Variants in WDHD1 observed in about 807,000 individuals in gnomAD.
WDHD1 encodes the protein WD repeat and HMG-box DNA binding protein 1, also known as WD repeat and HMG-box DNA-binding protein 1.
Under a neutral mutation model 135.4 loss-of-function variants are expected in WDHD1, and 111 were observed. That is an observed-to-expected ratio of 0.82 (90% CI 0.70 to 0.96). WDHD1 has a LOEUF of 0.96. WDHD1 is among the 40% of genes least tolerant of loss of function. WDHD1 has a pLI of 0.00. For synonymous variants in WDHD1, 434 were observed against 439.0 expected, an observed-to-expected ratio of 0.99 and a Z score of 0.14; for missense variants, 1,351 against 1,336.3, an observed-to-expected ratio of 1.01 and a Z score of -0.17.
At chr14:54,966,164 T>TTAA (rs1555367531) in intron 18 of WDHD1, among the ~76,000 whole-genome samples, 4 of 67,184 alleles carry the variant, frequency 6.0e-5, no homozygotes, top group Non-Finnish European at 1.0e-4. Context: ...CCATCTCTAC[T>TTAA]AAAAAAAAAA....
Position 55,000,263 on chromosome 14 carries a change from A to T in WDHD1, c.942+240T>A, listed in dbSNP as rs544016151. ...GAGACCTGATACAAAATAGTATTTA[A>T]TGAAAGGTATTCCTTGGAAAGGCAT... On this transcript the variant is annotated intron_variant, in intron 10 of 25. Coordinates refer to ENST00000360586, the MANE Select transcript of WDHD1 (RefSeq NM_007086.4). Among the ~76,000 whole-genome samples, 10 of 152,358 alleles carry T rather than the reference A, an allele frequency of 6.6e-5. No individual in the cohort carries two copies. The East Asian group carries it at 1.5e-3, about 24-fold the overall frequency.
At position 54,948,560 on chromosome 14, in the gene WDHD1, C is replaced by T. The variant is rs561616902; in HGVS notation, c.3051-4090G>A. ...AAGGAGTCCTGCCTGCCTCTGTGGA[C>T]TCCACCTCTGGGGGCAGGGCATAGC... On this transcript the variant is annotated intron_variant, in intron 24 of 25. Transcript: ENST00000360586. Among the ~76,000 whole-genome samples the T allele has an allele frequency of 2.1e-3, 326 of 152,334 alleles. 2 individuals are homozygous for T. The highest frequency in any genetic ancestry group is 7.4e-3 in the African/African-American group (308 of 41,562).
rs1410835248 is a variant in WDHD1, at chr14:54,940,609, T to C, written c.*881A>G. ...ATGATTAAACCTTGTTTGTTCAATATAAAATAAGAGTTAAATACTTTCCAT... is the reference window on the plus strand; with the variant it reads ...ATGATTAAACCTTGTTTGTTCAATACAAAATAAGAGTTAAATACTTTCCAT... On this transcript the variant is annotated 3_prime_UTR_variant, in exon 26 of 26. Transcript: ENST00000360586. 1 of 152,152 alleles carries C rather than the reference T, an allele frequency of 6.6e-6. No individual in the cohort carries two copies. The highest frequency in any genetic ancestry group is 2.4e-5 in the African/African-American group (1 of 41,444). The allele number at this position is 152,152 out of a possible 1,614,324, so 9.4% of individuals were successfully genotyped here.
At chr14:54,957,552 T>C (rs775365350) in intron 22 of WDHD1, 40 bp downstream of exon 22, 3 of 1,500,390 alleles carry the variant, frequency 2.0e-6, no homozygotes, top group African/African-American at 2.8e-5. Context: ...TGTATACAAA[T>C]GTATTTAAAT....
chr14:55,013,333 G>A (rs1566742954), intron 3 of WDHD1, 152 bp downstream of exon 3: 3 of 515,420 alleles, frequency 5.8e-6, no homozygotes, highest in Non-Finnish European at 1.0e-5. Flanking sequence ...AAAAAAAATG[G>A]TAGGGCAAGT....
At chr14:54,976,865 G>T (rs2041532955) in intron 16 of WDHD1, among the ~76,000 whole-genome samples, 1 of 151,976 alleles carries the variant, frequency 6.6e-6, no homozygotes, top group African/African-American at 2.4e-5. Flanking sequence ...AAAACAGTCT[G>T]CAGTTATCAA....
intron 2 of WDHD1, among the ~76,000 whole-genome samples, chr14:55,018,770 T>C (rs1425613359): frequency 6.6e-6 from 1 of 152,188 alleles, no homozygotes; most frequent in African/African-American, 2.4e-5. Context: ...AATATTATAG[T>C]CTAGGCCAGG....
At position 55,027,025 on chromosome 14, in the gene WDHD1, C is replaced by A; in HGVS notation, c.-17+3G>T. 2 of 518,644 alleles carry A rather than the reference C, an allele frequency of 3.9e-6. No individual in the cohort carries two copies. The allele number at this position is 518,644 out of a possible 1,614,324, so 32.1% of individuals were successfully genotyped here. ...GACGCGGGCAGCCGGAGTGGGGACT[C>A]ACCCGGGTGACCGAGCCTCCGCCAC... On this transcript the variant is annotated splice_donor_region_variant and intron_variant, in intron 1 of 25. Coordinates refer to ENST00000360586, the MANE Select transcript of WDHD1 (RefSeq NM_007086.4).
At chr14:54,950,736 C>T (rs903679326) in intron 24 of WDHD1, among the ~76,000 whole-genome samples, 1 of 152,166 alleles carries the variant, frequency 6.6e-6, no homozygotes, top group African/African-American at 2.4e-5. Context: ...ACACTGACCA[C>T]ATAGTTGGAA....
At chr14:54,977,084 G>GT (rs1486426286) in intron 16 of WDHD1, among the ~76,000 whole-genome samples, 14 of 151,104 alleles carry the variant, frequency 9.3e-5, no homozygotes, top group African/African-American at 2.9e-4. Context: ...AAAAAATAAG[G>GT]TTGTTTTTTT....
intron 24 of WDHD1, among the ~76,000 whole-genome samples, chr14:54,950,517 C>T (rs569457945): frequency 6.6e-6 from 1 of 152,212 alleles, no homozygotes; most frequent in East Asian, 1.9e-4. Context: ...TAGAGACCTA[C>T]AAAGAGACTT....
chr14:55,027,099 T>C lies in WDHD1; in HGVS notation c.-88A>G. On this transcript the variant is annotated 5_prime_UTR_variant, in exon 1 of 26. Coordinates refer to ENST00000360586, the MANE Select transcript of WDHD1 (RefSeq NM_007086.4). ...CCGCGCTTCGGCTCGCTCACCACACTGCGCCTGCGCCGACCCGCCCACGCC... is the reference window on the plus strand; with the variant it reads ...CCGCGCTTCGGCTCGCTCACCACACCGCGCCTGCGCCGACCCGCCCACGCC... 1 of 338,760 alleles carries C rather than the reference T, an allele frequency of 3.0e-6. No individual in the cohort carries two copies. The allele number at this position is 338,760 out of a possible 1,614,324, so 21.0% of individuals were successfully genotyped here. A position where few individuals can be genotyped will look rare whatever the true frequency, so the allele number is the denominator to read the frequency against.
At chr14:54,948,760 G>A (rs756780591) in intron 24 of WDHD1, among the ~76,000 whole-genome samples, 3 of 152,186 alleles carry the variant, frequency 2.0e-5, no homozygotes, top group Non-Finnish European at 4.4e-5. Flanking sequence ...CCCCCCAGTA[G>A]GGGCAGACTG....
intron 4 of WDHD1, among the ~76,000 whole-genome samples, chr14:55,009,111 C>G (rs2042122583): frequency 6.6e-6 from 1 of 151,986 alleles, no homozygotes; most frequent in Non-Finnish European, 1.5e-5. Context: ...TTTAAAATCA[C>G]AAAATCTTTA....
intron 24 of WDHD1, among the ~76,000 whole-genome samples, chr14:54,949,159 T>A (rs1268530826): frequency 1.3e-5 from 2 of 152,146 alleles, no homozygotes; most frequent in Non-Finnish European, 2.9e-5. Flanking sequence ...GGAGAATGAC[T>A]TTGACGAGTT....
chr14:55,019,627 G>C (rs1408420192), intron 2 of WDHD1, among the ~76,000 whole-genome samples: 1 of 152,184 alleles, frequency 6.6e-6, no homozygotes, highest in Non-Finnish European at 1.5e-5. Context: ...CCAGCACTTT[G>C]GGAGGCCAAG....
chr14:55,008,958 A>G (rs1266043334), intron 4 of WDHD1, among the ~76,000 whole-genome samples: 1 of 151,938 alleles, frequency 6.6e-6, no homozygotes, highest in Non-Finnish European at 1.5e-5. Context: ...CACCATGCCC[A>G]GCTAATTTTT....
intron 7 of WDHD1, chr14:55,004,784 T>C (rs931705003): frequency 9.7e-6 from 4 of 410,288 alleles, no homozygotes; most frequent in African/African-American, 2.1e-5. Flanking sequence ...CTTATTTCCA[T>C]GTTGCTTAAG....
At position 54,949,346 on chromosome 14, in the gene WDHD1, G is replaced by A. The variant is rs940133311; in HGVS notation, c.3051-4876C>T. ...CTGAAAACCATGGCACGAGAACTACGTGACGAATGCACAAGCCTCAGTAGC... is the reference window on the plus strand; with the variant it reads ...CTGAAAACCATGGCACGAGAACTACATGACGAATGCACAAGCCTCAGTAGC... On this transcript the variant is annotated intron_variant, in intron 24 of 25. Transcript: ENST00000360586. Among the ~76,000 whole-genome samples the A allele has an allele frequency of 3.9e-5, 6 of 152,150 alleles. 1 individual carries two copies. The highest frequency in any genetic ancestry group is 8.8e-5 in the Non-Finnish European group (6 of 68,028).
Sources: gnomAD v4.1 joint callset for allele counts (sites outside exome capture counted in the v4.1 genomes callset) on GRCh38, gnomAD v4.1.1 for gene constraint, MANE v1.5 for transcripts, NCBI Gene and HGNC (gene_info 2026-07-23, HGNC 2026-07-21) for gene names.